The following RAI1 variants were observed in gnomAD, a reference collection of about 807,000 sequenced individuals.
RAI1 encodes retinoic acid-induced protein 1.
A neutral mutation model predicts 123.8 loss-of-function variants in RAI1; 9 were observed. That is an observed-to-expected ratio of 0.07 (90% CI 0.04 to 0.13). The LOEUF is 0.13. Among genes scored for constraint, RAI1 ranks in the 10% least tolerant of loss-of-function variants. The probability of loss-of-function intolerance (pLI) is 1.00; values close to 1 mark genes in which losing one functional copy is unlikely to be tolerated. For synonymous variants in RAI1, 1,231 were observed against 1,127.3 expected (o/e 1.09, Z -1.84); for missense variants, 2,256 against 2,545.8 (o/e 0.89, Z 2.45).
At chr17:17,704,946 C>T (rs955605719) in intron 1 of RAI1, among the ~76,000 whole-genome samples, 6 of 152,062 alleles carry the variant, frequency 3.9e-5, no homozygotes, top group African/African-American at 1.4e-4. Context: ...TAGGCCAGAG[C>T]CTTTCATGGC....
intron 2 of RAI1, among the ~76,000 whole-genome samples, chr17:17,769,941 G>T (rs193073380): frequency 6.6e-6 from 1 of 152,278 alleles, no homozygotes. Context: ...GGGAAGAGAG[G>T]CCAGAGGATG....
At position 17,694,991 on chromosome 17, in the gene RAI1, T is replaced by C. The variant is rs1914973811; in HGVS notation, c.-149+13198T>C. Among the ~76,000 whole-genome samples, 4 of 152,028 alleles carry C rather than the reference T, an allele frequency of 2.6e-5. No individual in the cohort carries two copies. The South Asian group carries it at 6.2e-4, about 24-fold the overall frequency. ...CTCCCACTCCCTGGATGTTTGGGGA[T>C]AATGAAAGAGAGTCTGTGCGGGTTA... On this transcript the variant is annotated intron_variant, in intron 1 of 5. Transcript: ENST00000353383.
chr17:17,700,976 G>T (rs887086007), intron 1 of RAI1, among the ~76,000 whole-genome samples: 1 of 152,198 alleles, frequency 6.6e-6, no homozygotes, highest in Non-Finnish European at 1.5e-5. Context: ...ACCTCGCAGA[G>T]ACCCCAGATG....
chr17:17,782,626 TG>T (rs1290424559), intron 2 of RAI1, among the ~76,000 whole-genome samples: 1 of 36,656 alleles, frequency 2.7e-5, no homozygotes, highest in Non-Finnish European at 5.2e-5. Context: ...GGCGGGGGGT[TG>T]GGGGGGCGAC....
At chr17:17,749,219 G>A (rs1020004171) in intron 2 of RAI1, among the ~76,000 whole-genome samples, 1 of 152,210 alleles carries the variant, frequency 6.6e-6, no homozygotes, top group Non-Finnish European at 1.5e-5. Context: ...TCCCCAGAGA[G>A]CCAGTGCTTC....
In RAI1 at chr17:17,794,613, C is replaced by G. The variant is rs769515020; in HGVS notation, c.1665C>G (p.Thr555=). The change falls in exon 3 of 6, where the codon ACC becomes ACG. Residue 555 remains threonine (T), a synonymous_variant. Transcript: ENST00000353383. ...AGGCCAAGCCCGAGTCCGTGTCCACCTGTTCTGTGACCTCTCCTGACGACA... is the reference window on the plus strand; with the variant it reads ...AGGCCAAGCCCGAGTCCGTGTCCACGTGTTCTGTGACCTCTCCTGACGACA... ...NSKAKPESVS[T]CSVTSPDDMS... The G allele has an allele frequency of 1.9e-6, 3 of 1,613,204 alleles. No individual in the cohort carries two copies. Among genetic ancestry groups the G allele is most frequent in the Non-Finnish European group, 1.7e-6 (2 of 1,180,048 alleles).
intron 2 of RAI1, chr17:17,779,232 C>T: frequency 3.1e-6 from 1 of 323,132 alleles, no homozygotes; most frequent in Non-Finnish European, 6.1e-6. Context: ...TGGCTGGTGG[C>T]TGGCTCTCCC....
chr17:17,743,075 A>G (rs976162608), intron 2 of RAI1, among the ~76,000 whole-genome samples: 1 of 151,986 alleles, frequency 6.6e-6, no homozygotes, highest in African/African-American at 2.4e-5. Context: ...CATAGCCTCA[A>G]CCTCCCAGGC....
chr17:17,692,872 G>A (rs1460710229), intron 1 of RAI1, among the ~76,000 whole-genome samples: 3 of 152,130 alleles, frequency 2.0e-5, no homozygotes, highest in Non-Finnish European at 4.4e-5. Flanking sequence ...AGCTTGGCAG[G>A]GTGCAATAAA....
chr17:17,755,167 C>T (rs1328270729), intron 2 of RAI1, among the ~76,000 whole-genome samples: 1 of 152,240 alleles, frequency 6.6e-6, no homozygotes, highest in Non-Finnish European at 1.5e-5. Context: ...GTTTAGCAGG[C>T]CTGTTTACAC....
chr17:17,784,626 G>A (rs921137972), intron 2 of RAI1, among the ~76,000 whole-genome samples: 8 of 152,304 alleles, frequency 5.3e-5, no homozygotes, highest in African/African-American at 1.9e-4. Flanking sequence ...GAGGGGGGGT[G>A]TAGGCAGCAC....
Position 17,728,871 on chromosome 17 carries a change from C to T in RAI1, c.-17+4712C>T, listed in dbSNP as rs561948039. Among the ~76,000 whole-genome samples the T allele has an allele frequency of 2.2e-3, 332 of 152,314 alleles. 6 individuals are homozygous for T. In the South Asian group the frequency reaches 0.047, roughly 21 times the overall value. ...GCCCTTCATAGCTCCTAGCTGCCCC[C>T]AGATTCCCACCATGAGCCCCTACCT... On this transcript the variant is annotated intron_variant, in intron 2 of 5. Transcript: ENST00000353383.
At chr17:17,705,708 A>G (rs1164118513) in intron 1 of RAI1, among the ~76,000 whole-genome samples, 1 of 150,912 alleles carries the variant, frequency 6.6e-6, no homozygotes, top group East Asian at 2.0e-4. Context: ...CCTGGGCGAC[A>G]GTGCAAGACT....
At chr17:17,686,007 TGTCTATACTC>T (rs748629185) in intron 1 of RAI1, among the ~76,000 whole-genome samples, 21 of 152,370 alleles carry the variant, frequency 1.4e-4, no homozygotes, top group Admixed American at 5.2e-4. Flanking sequence ...CATCTCCCTT[TGTCTATACTC>T]GTGGCATAGC....
intron 2 of RAI1, among the ~76,000 whole-genome samples, chr17:17,756,438 C>T (rs2030440460): frequency 6.6e-6 from 1 of 152,034 alleles, no homozygotes; most frequent in African/African-American, 2.4e-5. Context: ...CTCAGGTGAT[C>T]CACCTGCCTC....
At chr17:17,772,092 A>C (rs2031181762) in intron 2 of RAI1, among the ~76,000 whole-genome samples, 1 of 152,184 alleles carries the variant, frequency 6.6e-6, no homozygotes, top group Non-Finnish European at 1.5e-5. Flanking sequence ...CACACCAGGA[A>C]ATGTAAGCCA....
chr17:17,692,511 C>T (rs1220932022), intron 1 of RAI1, among the ~76,000 whole-genome samples: 7 of 152,222 alleles, frequency 4.6e-5, no homozygotes, highest in Non-Finnish European at 7.3e-5. Context: ...TGAGGTCACA[C>T]AGCAACCAAG....
Position 17,755,554 on chromosome 17 carries a change from T to A in RAI1, c.-17+31395T>A, listed in dbSNP as rs529729262. 3.3e-5 allele frequency among the ~76,000 whole-genome samples: 5 copies of A among 152,234 alleles called. No individual in the cohort carries two copies. The South Asian group carries it at 1.0e-3, about 32-fold the overall frequency. Reference sequence around the variant, plus strand: ...GGGTGGTAGACTCAGGAGAGAGCTCTTTGTTTGGGGGCATTTCTCCAGCAG... The same window carrying A: ...GGGTGGTAGACTCAGGAGAGAGCTCATTGTTTGGGGGCATTTCTCCAGCAG... On this transcript the variant is annotated intron_variant, in intron 2 of 5. Coordinates refer to ENST00000353383, the MANE Select transcript of RAI1 (RefSeq NM_030665.4).
intron 1 of RAI1, among the ~76,000 whole-genome samples, chr17:17,683,303 G>T (rs907810699): frequency 6.6e-6 from 1 of 152,122 alleles, no homozygotes; most frequent in African/African-American, 2.4e-5. Context: ...CGTGATGGGA[G>T]CCCCGAGCTG....
Sources: gnomAD v4.1 joint callset for allele counts (sites outside exome capture counted in the v4.1 genomes callset) on GRCh38, gnomAD v4.1.1 for gene constraint, MANE v1.5 for transcripts, NCBI Gene and HGNC (gene_info 2026-07-23, HGNC 2026-07-21) for gene names.